ZNF292: variants seen among roughly 807,000 people sequenced by gnomAD.
ZNF292 encodes 16 zinc-finger domain protein.
A neutral mutation model predicts 217.9 loss-of-function variants in ZNF292; 26 were observed. The ratio of observed to expected loss-of-function variants is 0.12; its 90% CI spans 0.09 to 0.17. The LOEUF is 0.17. Among genes scored for constraint, ZNF292 ranks in the 10% least tolerant of loss-of-function variants. The probability of loss-of-function intolerance (pLI) is 1.00; values close to 1 mark genes in which losing one functional copy is unlikely to be tolerated. For missense variants in ZNF292, 2,904 were observed against 3,175.2 expected (o/e 0.91, Z 2.05); for synonymous variants, 1,257 against 1,124.1 (o/e 1.12, Z -2.37).
In ZNF292 at chr6:87,254,971, G is replaced by A; in HGVS notation, c.1342G>A (p.Asp448Asn). The A allele has an allele frequency of 6.2e-7, 1 of 1,613,834 alleles. No individual in the cohort carries two copies. Among genetic ancestry groups the A allele is most frequent in the Non-Finnish European group, 8.5e-7 (1 of 1,179,850 alleles). Residue 448 changes from aspartate to asparagine, a missense_variant, in exon 8 of 8, where the codon GAT (aspartate) becomes AAT (asparagine). By Grantham distance (23) the Asp-to-Asn change is conservative. Transcript: ENST00000369577. The part of the protein sequence containing the change: ...TQWPFDPEFW[D>N]WKTLKRQCLA... ...ATGGCCCTTTGATCCAGAATTCTGG[G>A]ATTGGAAAACCTTGAAACGACAATG...
rs759209377 is a variant in ZNF292 at position 87,254,768 on chromosome 6, C to T, written c.1139C>T (p.Pro380Leu). 6 of 1,613,754 alleles carry T rather than the reference C, an allele frequency of 3.7e-6. No individual in the cohort carries two copies. The highest frequency in any genetic ancestry group is 2.7e-5 in the African/African-American group (2 of 74,904). ...TGCAAGACCATTTCATGTTTGTTGC[C>T]TGATGATCTGGAAGTTAAACGTGCT... is the stretch of plus-strand genomic sequence containing the variant. ...SICKTISCLLPDDLEVKRACQ... is the reference protein window; with the variant it reads ...SICKTISCLLLDDLEVKRACQ... The change falls in exon 8 of 8, where the codon CCT (proline) becomes CTT (leucine). Residue 380 changes from proline (P) to leucine (L), a missense_variant. By Grantham distance (98) the Pro-to-Leu change is moderately conservative. Around this residue, in one of 15 missense-constraint regions of ZNF292, gnomAD observed 313 missense variants for 451.0 expected, o/e 0.69. Coordinates refer to ENST00000369577, the MANE Select transcript of ZNF292 (RefSeq NM_015021.3).
intron 1 of ZNF292, among the ~76,000 whole-genome samples, chr6:87,165,169 A>G (rs1017287884): frequency 1.3e-5 from 2 of 152,084 alleles, no homozygotes; most frequent in African/African-American, 4.8e-5. Flanking sequence ...ATGACATCCT[A>G]GTTCTTGTCC....
chr6:87,251,149 G>T (rs972496651), intron 7 of ZNF292, among the ~76,000 whole-genome samples: 1 of 152,232 alleles, frequency 6.6e-6, no homozygotes, highest in Admixed American at 6.5e-5. Flanking sequence ...GGAACTACAG[G>T]TAGCTCAGTT....
At chr6:87,194,976 G>T (rs1437162000) in intron 1 of ZNF292, among the ~76,000 whole-genome samples, 1 of 151,490 alleles carries the variant, frequency 6.6e-6, no homozygotes, top group Non-Finnish European at 1.5e-5. Context: ...AATGGCCTTC[G>T]ATAAAATCAC....
chr6:87,158,542 C>T (rs1421299485), intron 1 of ZNF292, among the ~76,000 whole-genome samples: 12 of 152,076 alleles, frequency 7.9e-5, no homozygotes, highest in Admixed American at 5.9e-4. Flanking sequence ...GGCGCTGTGG[C>T]GAGTGCCTGT....
chr6:87,257,201 T>C lies in ZNF292; in HGVS notation c.3572T>C (p.Ile1191Thr). 1 of 1,613,838 alleles carries C rather than the reference T, an allele frequency of 6.2e-7. No homozygotes were observed. Residue 1191 changes from isoleucine (I) to threonine (T), a missense_variant, in exon 8 of 8, where the codon ATT (isoleucine) becomes ACT (threonine). Around this residue, in one of 15 missense-constraint regions of ZNF292, gnomAD observed 687 missense variants for 623.0 expected, o/e 1.10. Transcript: ENST00000369577. The stretch of plus-strand genomic sequence containing the variant: ...CAGTTGCAGCATGTCTCGCCACCCA[T>C]TTTTCCAGCTCATTTAGCAAGTGTG... The part of the protein sequence containing the change: ...SAQLQHVSPP[I>T]FPAHLASVST...
In ZNF292 at chr6:87,255,530, C is replaced by G. The variant is rs1775161756; in HGVS notation, c.1901C>G (p.Pro634Arg). 2 of 1,612,128 alleles carry G rather than the reference C, an allele frequency of 1.2e-6. No individual in the cohort carries two copies. Among genetic ancestry groups the G allele is most frequent in the Admixed American group, 1.7e-5 (1 of 59,660 alleles). ...ACTGTGGCTAAACAGGAGCAGCGAC[C>G]TATAAAAAAGAATAGTCTCTATTCA... ...TNTVAKQEQR[P>R]IKKNSLYSTD... The change falls in exon 8 of 8, where the codon CCT becomes CGT. Residue 634 changes from proline to arginine, a missense_variant. Transcript: ENST00000369577.
chr6:87,239,470 G>A (rs796331143), intron 5 of ZNF292, among the ~76,000 whole-genome samples: 20 of 108,976 alleles, frequency 1.8e-4, no homozygotes, highest in Admixed American at 1.7e-3. Context: ...CGGATGGGGC[G>A]GCTGGCCGGG....
intron 4 of ZNF292, among the ~76,000 whole-genome samples, chr6:87,229,855 A>G (rs1184717417): frequency 2.0e-5 from 3 of 152,254 alleles, no homozygotes; most frequent in African/African-American, 7.2e-5. Context: ...TGTGTGCTTT[A>G]AAGTAATACC....
At position 87,261,947 on chromosome 6, in the gene ZNF292, T is replaced by G; in HGVS notation, c.*146T>G. On this transcript the variant is annotated 3_prime_UTR_variant, in exon 8 of 8. Transcript: ENST00000369577. ...AAAAACAAAAAAGAAAAAAAAAACA[T>G]GACATTTGTCATGTAAAACTTTTTT... The G allele has an allele frequency of 1.7e-6, 1 of 574,248 alleles. No homozygotes were observed. The highest frequency in any genetic ancestry group is 2.7e-6 in the Non-Finnish European group (1 of 365,808). The allele number at this position is 574,248 out of a possible 1,614,324, so 35.6% of individuals were successfully genotyped here.
chr6:87,219,114 T>G (rs1335267974), intron 4 of ZNF292, among the ~76,000 whole-genome samples: 1 of 152,210 alleles, frequency 6.6e-6, no homozygotes, highest in Non-Finnish European at 1.5e-5. Flanking sequence ...ACTCTTTAAG[T>G]CTTTTGTCTC....
chr6:87,174,813 C>CT (rs1490103151), intron 1 of ZNF292, among the ~76,000 whole-genome samples: 2 of 152,148 alleles, frequency 1.3e-5, no homozygotes, highest in East Asian at 3.8e-4. Context: ...GGGAATTATA[C>CT]TTTATCAGAG....
chr6:87,237,991 A>G (rs1299573620), intron 5 of ZNF292, among the ~76,000 whole-genome samples: 1 of 152,062 alleles, frequency 6.6e-6, no homozygotes, highest in African/African-American at 2.4e-5. Context: ...ATTCTATTTA[A>G]TGTCATATTT....
chr6:87,160,485 A>ATGTG (rs1481479708), intron 1 of ZNF292, among the ~76,000 whole-genome samples: 2 of 66,798 alleles, frequency 3.0e-5, no homozygotes, highest in African/African-American at 5.1e-5. Context: ...ATGTGTTTGT[A>ATGTG]TATATATGTG....
intron 4 of ZNF292, among the ~76,000 whole-genome samples, chr6:87,224,856 T>C (rs1295758788): frequency 6.6e-6 from 1 of 152,180 alleles, no homozygotes; most frequent in African/African-American, 2.4e-5. Context: ...TGTGTGGATG[T>C]CAGTTTTCAG....
rs990118967 is a variant in ZNF292 at position 87,260,719 on chromosome 6, C to G, written c.7090C>G (p.His2364Asp). Residue 2364 changes from histidine to aspartate, a missense_variant, in exon 8 of 8, where the codon CAT (histidine) becomes GAT (aspartate). By Grantham distance (81) the His-to-Asp change is moderately conservative. Coordinates refer to ENST00000369577, the MANE Select transcript of ZNF292 (RefSeq NM_015021.3). ...NKPYSLKRGK[H>D]VYSIKARNDA... Reference sequence around the variant, plus strand: ...GCCTTATTCTCTGAAACGTGGGAAGCATGTATATTCTATAAAGGCTAGAAA... The same window carrying G: ...GCCTTATTCTCTGAAACGTGGGAAGGATGTATATTCTATAAAGGCTAGAAA... 1 of 1,613,278 alleles carries G rather than the reference C, an allele frequency of 6.2e-7. No homozygotes were observed. Among genetic ancestry groups the G allele is most frequent in the Non-Finnish European group, 8.5e-7 (1 of 1,179,638 alleles).
At position 87,240,966 on chromosome 6, in the gene ZNF292, G is replaced by A. The variant is rs572270492; in HGVS notation, c.742-2509G>A. On this transcript the variant is annotated intron_variant, in intron 5 of 7. Transcript: ENST00000369577. ...CATAACTTTGAGCAAAGAACTTAAC[G>A]CTTAGGCCTTCTTTCTTTAAAAGAA... Among the ~76,000 whole-genome samples, 404 of 152,262 alleles carry A rather than the reference G, an allele frequency of 2.7e-3. 3 individuals are homozygous for A. The highest frequency in any genetic ancestry group is 9.3e-3 in the African/African-American group (385 of 41,564).
At chr6:87,175,826 G>A (rs148377278) in intron 1 of ZNF292, among the ~76,000 whole-genome samples, 1 of 152,320 alleles carries the variant, frequency 6.6e-6, no homozygotes, top group East Asian at 1.9e-4. Context: ...AAAATCAGAA[G>A]ATCTGGCAAT....
intron 4 of ZNF292, chr6:87,223,067 GTTTT>G (rs1018749402): frequency 5.3e-6 from 1 of 187,960 alleles, no homozygotes; most frequent in Non-Finnish European, 1.1e-5. Context: ...GTTTTTTGAG[GTTTT>G]TTGTTTGTTT....
Sources: gnomAD v4.1 joint callset for allele counts (sites outside exome capture counted in the v4.1 genomes callset) on GRCh38, gnomAD v4.1.1 for gene constraint, gnomAD v4.1.1 regional missense constraint, MANE v1.5 for transcripts, NCBI Gene and HGNC (gene_info 2026-07-23, HGNC 2026-07-21) for gene names.